The following DLG2 variants were observed in gnomAD, a reference collection of about 807,000 sequenced individuals.
The protein encoded by DLG2 is discs large MAGUK scaffold protein 2, also known as disks large homolog 2.
In DLG2, 45 loss-of-function variants were observed where a neutral mutation model predicts 132.5. The ratio of observed to expected loss-of-function variants is 0.34; its 90% CI spans 0.27 to 0.44. The LOEUF is 0.44. Among genes scored for constraint, DLG2 ranks in the 20% least tolerant of loss-of-function variants. The pLI, the probability that DLG2 is intolerant of heterozygous loss-of-function variation, is 1.00. For missense variants in DLG2, 1,045 were observed against 1,196.9 expected, an observed-to-expected ratio of 0.87 and a Z score of 1.87; for synonymous variants, 424 against 419.6, an observed-to-expected ratio of 1.01 and a Z score of -0.13.
At chr11:83,493,307 A>G (rs1023331689) in intron 21 of DLG2, among the ~76,000 whole-genome samples, 3 of 151,088 alleles carry the variant, frequency 2.0e-5, no homozygotes, top group African/African-American at 7.3e-5. Context: ...TGGCCCTATT[A>G]CTATTTGCCT....
chr11:83,668,049 A>G (rs1436080316), intron 18 of DLG2, among the ~76,000 whole-genome samples: 4 of 144,386 alleles, frequency 2.8e-5, no homozygotes, highest in African/African-American at 7.8e-5. Context: ...TCACTTTGCA[A>G]TTTTCTGGGG....
Position 84,491,867 on chromosome 11 carries a change from C to T in DLG2, c.519+42703G>A, listed in dbSNP as rs183156292. Among the ~76,000 whole-genome samples, 71 of 152,180 alleles carry T rather than the reference C, an allele frequency of 4.7e-4. 1 individual carries two copies. In the East Asian group the frequency reaches 8.3e-3, roughly 18 times the overall value. On this transcript the variant is annotated intron_variant, in intron 7 of 27. Transcript: ENST00000376104. Reference sequence around the variant, plus strand: ...TAATACACTTTCCCTGGTGGTGTGGCCCGGTCATTGATTAAGCTCCTTTCC... The same window carrying T: ...TAATACACTTTCCCTGGTGGTGTGGTCCGGTCATTGATTAAGCTCCTTTCC...
chr11:85,026,369 T>C (rs2060511558), intron 6 of DLG2, among the ~76,000 whole-genome samples: 1 of 152,106 alleles, frequency 6.6e-6, no homozygotes, highest in Non-Finnish European at 1.5e-5. Flanking sequence ...GGAAGATACG[T>C]AAATTAAAAT....
At chr11:84,477,297 C>G (rs866805303) in intron 7 of DLG2, among the ~76,000 whole-genome samples, 3 of 151,900 alleles carry the variant, frequency 2.0e-5, no homozygotes, top group African/African-American at 7.3e-5. Context: ...GAGTTCGAGA[C>G]CAGCCTGGAC....
At chr11:83,549,366 T>C (rs954236365) in intron 19 of DLG2, among the ~76,000 whole-genome samples, 1 of 152,102 alleles carries the variant, frequency 6.6e-6, no homozygotes, top group African/African-American at 2.4e-5. Flanking sequence ...ATAAGTGGAG[T>C]AATCTGAGCT....
At chr11:84,953,201 T>C (rs1398641975) in intron 6 of DLG2, among the ~76,000 whole-genome samples, 1 of 152,192 alleles carries the variant, frequency 6.6e-6, no homozygotes. Flanking sequence ...TTGGGGGTGT[T>C]TCCTATAGTT....
At chr11:84,387,687 T>C (rs899825220) in intron 7 of DLG2, among the ~76,000 whole-genome samples, 4 of 152,220 alleles carry the variant, frequency 2.6e-5, no homozygotes, top group African/African-American at 9.6e-5. Context: ...AATCTAACTT[T>C]ATCAACATAA....
intron 9 of DLG2, among the ~76,000 whole-genome samples, chr11:84,134,692 C>CTG (rs5793105): frequency 0.037 from 5,454 of 148,908 alleles, 232 homozygotes; most frequent in African/African-American, 0.11. Context: ...CTTTTGTTAT[C>CTG]TGTGTGTGTG....
chr11:83,802,516 A>G (rs757215166), intron 17 of DLG2, among the ~76,000 whole-genome samples: 25 of 152,284 alleles, frequency 1.6e-4, no homozygotes, highest in Non-Finnish European at 2.9e-4. Flanking sequence ...CAGTGGACTA[A>G]CTGAAAGTGC....
chr11:84,983,056 C>T (rs539121849), intron 6 of DLG2, among the ~76,000 whole-genome samples: 4 of 152,146 alleles, frequency 2.6e-5, no homozygotes, highest in Admixed American at 2.6e-4. Context: ...CAATATAATG[C>T]CAGAAGTCTT....
chr11:85,378,952 G>T (rs1379768113), intron 3 of DLG2, among the ~76,000 whole-genome samples: 1 of 152,046 alleles, frequency 6.6e-6, no homozygotes, highest in Non-Finnish European at 1.5e-5. Flanking sequence ...CTCTAATTTT[G>T]CATCCCCTTT....
intron 22 of DLG2, among the ~76,000 whole-genome samples, chr11:83,474,318 T>C (rs76886037): frequency 1.3e-5 from 2 of 152,128 alleles, no homozygotes; most frequent in East Asian, 3.9e-4. Context: ...CCCCCAGTTA[T>C]CTAAAGCCTG....
intron 6 of DLG2, among the ~76,000 whole-genome samples, chr11:84,946,657 G>A (rs2050237846): frequency 6.6e-6 from 1 of 152,072 alleles, no homozygotes; most frequent in African/African-American, 2.4e-5. Flanking sequence ...CTATAGAGCT[G>A]TTTGCTTATG....
chr11:83,498,658 TA>T (rs2094280791), intron 21 of DLG2, among the ~76,000 whole-genome samples: 1 of 123,004 alleles, frequency 8.1e-6, no homozygotes, highest in Non-Finnish European at 1.7e-5. Flanking sequence ...AAGACCAAAC[TA>T]AACCTAAAGC....
intron 8 of DLG2, among the ~76,000 whole-genome samples, chr11:84,205,845 G>A (rs2096658750): frequency 1.3e-5 from 2 of 151,946 alleles, no homozygotes; most frequent in African/African-American, 4.8e-5. Flanking sequence ...AAGGACAGAA[G>A]TCAGTGAAAT....
At chr11:85,479,963 T>C (rs1215717564) in intron 3 of DLG2, among the ~76,000 whole-genome samples, 2 of 152,204 alleles carry the variant, frequency 1.3e-5, no homozygotes, top group Non-Finnish European at 2.9e-5. Context: ...TTTAATTTAA[T>C]TACCTCTTTT....
At chr11:85,297,908 A>C (rs146490586) in intron 3 of DLG2, among the ~76,000 whole-genome samples, 1 of 152,288 alleles carries the variant, frequency 6.6e-6, no homozygotes, top group Admixed American at 6.5e-5. Context: ...CAAGTTAAGG[A>C]AGGCCAAATA....
chr11:84,091,454 T>A (rs1401741418), intron 10 of DLG2, among the ~76,000 whole-genome samples: 2 of 152,180 alleles, frequency 1.3e-5, no homozygotes, highest in African/African-American at 4.8e-5. Context: ...TTGCTTTTGA[T>A]TGATTGTGCT....
chr11:85,390,262 C>A (rs1434632255), intron 3 of DLG2, among the ~76,000 whole-genome samples: 1 of 151,842 alleles, frequency 6.6e-6, no homozygotes, highest in Non-Finnish European at 1.5e-5. Context: ...AAAGGAGAGA[C>A]ATTATATTAT....
Sources: gnomAD v4.1 joint callset for allele counts (sites outside exome capture counted in the v4.1 genomes callset) on GRCh38, gnomAD v4.1.1 for gene constraint, MANE v1.5 for transcripts, NCBI Gene and HGNC (gene_info 2026-07-23, HGNC 2026-07-21) for gene names.